Variants in FNIP2 observed in about 807,000 individuals in gnomAD.
FNIP2 encodes the protein folliculin interacting protein 2, also known as folliculin-interacting protein 2.
In FNIP2, 32 loss-of-function variants were observed where a neutral mutation model predicts 108.7. The observed-to-expected ratio is 0.29, with a 90% CI of 0.22 to 0.40. The LOEUF (loss-of-function observed/expected upper bound fraction) is 0.40, where lower values mean the gene tolerates loss of function less well. FNIP2 is among the 10% of genes least tolerant of loss of function. The probability of loss-of-function intolerance (pLI) is 1.00; values close to 1 mark genes in which losing one functional copy is unlikely to be tolerated. For missense variants in FNIP2, 1,202 were observed against 1,381.6 expected (o/e 0.87, Z 2.06); for synonymous variants, 480 against 496.7 (o/e 0.97, Z 0.45).
At position 158,869,036 on chromosome 4, in the gene FNIP2, C is replaced by T. The variant is rs1424258176; in HGVS notation, c.2400C>T (p.Gly800=). Reference sequence around the variant, plus strand: ...ACAAGGGTTTTGCAGAGGACAGAGGCAGCAGAAACGACATGGCAGCAGATA... The same window carrying T: ...ACAAGGGTTTTGCAGAGGACAGAGGTAGCAGAAACGACATGGCAGCAGATA... The part of the protein sequence containing the change: ...ESDKGFAEDR[G]SRNDMAADIA... Residue 800 remains glycine, a synonymous_variant, in exon 13 of 17, where the codon GGC becomes GGT. Coordinates refer to ENST00000264433, the MANE Select transcript of FNIP2 (RefSeq NM_020840.3). 6.2e-7 allele frequency: 1 copy of T among 1,613,996 alleles called. No individual in the cohort carries two copies. The highest frequency in any genetic ancestry group is 1.1e-5 in the South Asian group (1 of 91,086).
rs1448696311 is a variant in FNIP2 at position 158,806,155 on chromosome 4, A to T, written c.108-19761A>T. ...GTTTAGAACTGCTGGTCATTACAGAATGTTCCTCACATAACAAAGGAACTT... is the reference window on the plus strand; with the variant it reads ...GTTTAGAACTGCTGGTCATTACAGATTGTTCCTCACATAACAAAGGAACTT... On this transcript the variant is annotated intron_variant, in intron 1 of 16. Coordinates refer to ENST00000264433, the MANE Select transcript of FNIP2 (RefSeq NM_020840.3). The T allele has an allele frequency of 6.5e-6, 8 of 1,233,272 alleles. No homozygotes were observed. The African/African-American group carries it at 1.1e-4, about 17-fold the overall frequency. The allele number at this position is 1,233,272 out of a possible 1,614,324, so 76.4% of individuals were successfully genotyped here. A position where few individuals can be genotyped will look rare whatever the true frequency, so the allele number is the denominator to read the frequency against.
intron 3 of FNIP2, among the ~76,000 whole-genome samples, chr4:158,829,707 G>T (rs1319886995): frequency 6.7e-6 from 1 of 148,564 alleles, no homozygotes; most frequent in Non-Finnish European, 1.5e-5. Context: ...CACTGTGTGT[G>T]TGGGGTGTGT....
At chr4:158,883,750 C>A (rs1781855611) in intron 14 of FNIP2, among the ~76,000 whole-genome samples, 1 of 152,088 alleles carries the variant, frequency 6.6e-6, no homozygotes, top group African/African-American at 2.4e-5. Context: ...CTTGTAGCAA[C>A]ATGCATGATA....
At chr4:158,847,271 G>T (rs1430546071) in intron 7 of FNIP2, among the ~76,000 whole-genome samples, 3 of 152,190 alleles carry the variant, frequency 2.0e-5, no homozygotes, top group Non-Finnish European at 4.4e-5. Context: ...ACCAGCCGGG[G>T]CAACTAAGGG....
intron 1 of FNIP2, among the ~76,000 whole-genome samples, chr4:158,794,895 C>G (rs1238913263): frequency 6.6e-6 from 1 of 152,160 alleles, no homozygotes; most frequent in Non-Finnish European, 1.5e-5. Context: ...TTAATCCTCT[C>G]GAAGTTGTTA....
chr4:158,836,797 C>G (rs1289544655), intron 7 of FNIP2: 1 of 106,486 alleles, frequency 9.4e-6, no homozygotes, highest in Non-Finnish European at 1.7e-5. Flanking sequence ...GGCTGGACAA[C>G]AGAGACTCCG....
chr4:158,843,562 C>T (rs1319543130), intron 7 of FNIP2, among the ~76,000 whole-genome samples: 3 of 152,128 alleles, frequency 2.0e-5, no homozygotes, highest in Non-Finnish European at 2.9e-5. Context: ...CAACCACTTA[C>T]CACTGAGGAA....
chr4:158,785,259 A>G (rs1189928366), intron 1 of FNIP2, among the ~76,000 whole-genome samples: 2 of 151,340 alleles, frequency 1.3e-5, no homozygotes, highest in African/African-American at 2.4e-5. Flanking sequence ...TAATTTTTGT[A>G]TTTTTTAGTA....
At chr4:158,793,634 C>A (rs1221711433) in intron 1 of FNIP2, among the ~76,000 whole-genome samples, 1 of 152,152 alleles carries the variant, frequency 6.6e-6, no homozygotes, top group Non-Finnish European at 1.5e-5. Flanking sequence ...GTTATTATGA[C>A]ATTTAAGATT....
At chr4:158,891,727 T>C (rs1782288217) in intron 15 of FNIP2, 81 bp downstream of exon 15, 2 of 1,290,844 alleles carry the variant, frequency 1.5e-6, no homozygotes, top group Admixed American at 2.2e-5. Context: ...AATCACAAAT[T>C]CAAAAGTACT....
At chr4:158,875,515 G>T (rs1578958435) in intron 14 of FNIP2, among the ~76,000 whole-genome samples, 5 of 111,982 alleles carry the variant, frequency 4.5e-5, no homozygotes, top group African/African-American at 1.0e-4. Context: ...GCCTGGCTGT[G>T]ATATATATAT....
intron 9 of FNIP2, 58 bp from the exon 10 acceptor site, chr4:158,859,520 A>G: frequency 7.2e-7 from 1 of 1,394,694 alleles, no homozygotes; most frequent in East Asian, 2.4e-5. Context: ...AATACAGCCC[A>G]GTAGATAAGT....
chr4:158,806,100 C>T, intron 1 of FNIP2: 1 of 1,062,190 alleles, frequency 9.4e-7, no homozygotes, highest in Non-Finnish European at 1.1e-6. Flanking sequence ...AGTAGCTTTT[C>T]TCACATACTG....
chr4:158,838,945 A>G (rs1262023625), intron 7 of FNIP2, among the ~76,000 whole-genome samples: 1 of 152,162 alleles, frequency 6.6e-6, no homozygotes, highest in Non-Finnish European at 1.5e-5. Context: ...TGTTTTTCTC[A>G]TGATTACACT....
intron 1 of FNIP2, among the ~76,000 whole-genome samples, chr4:158,774,645 A>G (rs1775802410): frequency 6.6e-6 from 1 of 152,228 alleles, no homozygotes; most frequent in South Asian, 2.1e-4. Flanking sequence ...CAATAATGAT[A>G]GGAGATATGT....
At chr4:158,810,511 T>C (rs1777211808) in intron 1 of FNIP2, among the ~76,000 whole-genome samples, 1 of 152,244 alleles carries the variant, frequency 6.6e-6, no homozygotes, top group Non-Finnish European at 1.5e-5. Context: ...GATTTTGAGA[T>C]ATAATTCCAG....
chr4:158,859,959 C>T (rs548397184), intron 10 of FNIP2, among the ~76,000 whole-genome samples: 2 of 152,300 alleles, frequency 1.3e-5, no homozygotes, highest in South Asian at 4.1e-4. Context: ...CTTATGTCAG[C>T]CTCACAAAAG....
At chr4:158,820,891 T>G (rs760845260) in intron 1 of FNIP2, among the ~76,000 whole-genome samples, 2 of 152,216 alleles carry the variant, frequency 1.3e-5, no homozygotes, top group Non-Finnish European at 2.9e-5. Flanking sequence ...AGACCCTGTT[T>G]CCAAGCAAAG....
chr4:158,902,510 G>A (rs1469330130), intron 16 of FNIP2, among the ~76,000 whole-genome samples: 2 of 152,212 alleles, frequency 1.3e-5, no homozygotes, highest in East Asian at 1.9e-4. Context: ...GAGCTCAAAC[G>A]CTGTGTGGGG....
Sources: allele counts gnomAD v4.1 joint callset (sites outside exome capture counted in the v4.1 genomes callset), GRCh38; gene constraint gnomAD v4.1.1; transcripts MANE v1.5; gene names NCBI Gene and HGNC (gene_info 2026-07-23, HGNC 2026-07-21).